The following ESCO1 variants were observed in gnomAD, a reference collection of about 807,000 sequenced individuals.
ESCO1 encodes N-acetyltransferase ESCO1.
A neutral mutation model predicts 83.5 loss-of-function variants in ESCO1; 33 were observed. The observed-to-expected ratio is 0.40, with a 90% CI of 0.30 to 0.53. ESCO1 has a LOEUF of 0.53. Among genes scored for constraint, ESCO1 ranks in the 20% least tolerant of loss-of-function variants. The probability of loss-of-function intolerance (pLI) is 0.63; values close to 1 mark genes in which losing one functional copy is unlikely to be tolerated. For synonymous variants in ESCO1, 332 were observed against 324.3 expected, an observed-to-expected ratio of 1.02 and a Z score of -0.25; for missense variants, 855 against 968.0, an observed-to-expected ratio of 0.88 and a Z score of 1.55.
intron 2 of ESCO1, among the ~76,000 whole-genome samples, chr18:21,583,872 G>A (rs1458497787): frequency 2.0e-5 from 3 of 152,098 alleles, no homozygotes; most frequent in Non-Finnish European, 4.4e-5. Context: ...CATAAATTAT[G>A]CTTTAATAAA....
intron 8 of ESCO1, among the ~76,000 whole-genome samples, chr18:21,544,207 G>T (rs1038147497): frequency 6.6e-6 from 1 of 152,098 alleles, no homozygotes; most frequent in Non-Finnish European, 1.5e-5. Flanking sequence ...CCAGGGGACA[G>T]AGGTTGCAGT....
At chr18:21,563,014 G>C (rs1425924573) in intron 7 of ESCO1, among the ~76,000 whole-genome samples, 1 of 151,286 alleles carries the variant, frequency 6.6e-6, no homozygotes, top group Non-Finnish European at 1.5e-5. Context: ...TGGGATTATA[G>C]GAACGAATCA....
chr18:21,562,641 TAA>T (rs879682676), intron 7 of ESCO1, among the ~76,000 whole-genome samples: 2 of 144,600 alleles, frequency 1.4e-5, no homozygotes, highest in African/African-American at 2.5e-5. Context: ...GACCCTATCT[TAA>T]AAAAAAAAAA....
chr18:21,550,092 G>T (rs915463606), intron 8 of ESCO1, among the ~76,000 whole-genome samples: 1 of 152,240 alleles, frequency 6.6e-6, no homozygotes, highest in African/African-American at 2.4e-5. Context: ...TAAATGAACT[G>T]ATTTTCAGAA....
intron 7 of ESCO1, among the ~76,000 whole-genome samples, chr18:21,562,433 G>T (rs1276851851): frequency 6.7e-6 from 1 of 150,360 alleles, no homozygotes; most frequent in Non-Finnish European, 1.5e-5. Context: ...CCAAGATTGT[G>T]CCACTGCACT....
chr18:21,541,844 C>T (rs538574244), intron 8 of ESCO1, among the ~76,000 whole-genome samples: 1 of 152,232 alleles, frequency 6.6e-6, no homozygotes, highest in South Asian at 2.1e-4. Flanking sequence ...ACCATTCTTC[C>T]TGAACTGAAT....
In ESCO1 at chr18:21,575,078, G is replaced by T; in HGVS notation, c.-235C>A. On this transcript the variant is annotated 5_prime_UTR_variant, in exon 4 of 12. Transcript: ENST00000269214. ...TGCTAAAAGACACTTGCTTTACTTTGGACAAGGTAATAAAAATTTGAGGAA... is the reference window on the plus strand; with the variant it reads ...TGCTAAAAGACACTTGCTTTACTTTTGACAAGGTAATAAAAATTTGAGGAA... 2.6e-6 allele frequency: 1 copy of T among 380,452 alleles called. No homozygotes were observed. The highest frequency in any genetic ancestry group is 4.6e-6 in the Non-Finnish European group (1 of 215,746). The allele number at this position is 380,452 out of a possible 1,614,324, so 23.6% of individuals were successfully genotyped here. A position where few individuals can be genotyped will look rare whatever the true frequency, so the allele number is the denominator to read the frequency against.
chr18:21,581,173 C>A (rs960829182), intron 2 of ESCO1, among the ~76,000 whole-genome samples: 20 of 151,942 alleles, frequency 1.3e-4, no homozygotes, highest in African/African-American at 4.8e-4. Flanking sequence ...ATTATCTGGG[C>A]GTGGTGGCGG....
chr18:21,544,075 C>T (rs1487807399), intron 8 of ESCO1, among the ~76,000 whole-genome samples: 1 of 151,590 alleles, frequency 6.6e-6, no homozygotes, highest in Non-Finnish European at 1.5e-5. Context: ...AGATCGAGAC[C>T]ATCCTGGCTA....
At chr18:21,596,414 T>G (rs2038768018) in intron 1 of ESCO1, among the ~76,000 whole-genome samples, 1 of 152,184 alleles carries the variant, frequency 6.6e-6, no homozygotes, top group Non-Finnish European at 1.5e-5. Context: ...ATCTTACGTA[T>G]GCTGCCATAA....
chr18:21,592,021 A>G (rs550885270), intron 1 of ESCO1, among the ~76,000 whole-genome samples: 2 of 152,092 alleles, frequency 1.3e-5, no homozygotes, highest in Admixed American at 6.6e-5. Flanking sequence ...CCAAGGCAGA[A>G]GAATTTTTCT....
At chr18:21,571,246 G>A (rs1340416490) in intron 4 of ESCO1, among the ~76,000 whole-genome samples, 1 of 151,820 alleles carries the variant, frequency 6.6e-6, no homozygotes, top group Non-Finnish European at 1.5e-5. Context: ...GGAGTACAGT[G>A]GCGTGATCTT....
intron 4 of ESCO1, among the ~76,000 whole-genome samples, chr18:21,570,400 A>G (rs1436202038): frequency 6.6e-6 from 1 of 152,198 alleles, no homozygotes; most frequent in African/African-American, 2.4e-5. Flanking sequence ...TGCCTGGCCC[A>G]AGGTGAAAGT....
intron 8 of ESCO1, among the ~76,000 whole-genome samples, chr18:21,547,553 A>T (rs373123445): frequency 7.2e-5 from 11 of 152,158 alleles, no homozygotes; most frequent in African/African-American, 2.2e-4. Context: ...GCAATAAAGT[A>T]TATGCTTGAA....
intron 8 of ESCO1, among the ~76,000 whole-genome samples, chr18:21,552,154 G>T (rs1034868160): frequency 3.3e-5 from 5 of 152,306 alleles, no homozygotes; most frequent in Admixed American, 1.3e-4. Context: ...AGAGGGAAAA[G>T]ACTTAGAATA....
chr18:21,573,812 G>A lies in ESCO1; in HGVS notation c.1032C>T (p.Thr344=). The change falls in exon 4 of 12, where the codon ACC becomes ACT. Residue 344 remains threonine (T), a synonymous_variant. Transcript: ENST00000269214. ...GATGAAGTATTTGTCTTTCAACACT[G>A]GTCTCTTCCAATTTTATTTCTGTGG... is the stretch of plus-strand genomic sequence containing the variant. ...EKPTEIKLEE[T]SVERQILHQK... is the part of the protein sequence containing the mutation. 6.2e-7 allele frequency: 1 copy of A among 1,613,962 alleles called. No homozygotes were observed. The highest frequency in any genetic ancestry group is 1.3e-5 in the African/African-American group (1 of 74,988).
chr18:21,529,590 T>C lies in ESCO1; in HGVS notation c.*753A>G, dbSNP rs2037741005. 2 of 152,192 alleles carry C rather than the reference T, an allele frequency of 1.3e-5. No homozygotes were observed. The highest frequency in any genetic ancestry group is 4.1e-4 in the South Asian group (2 of 4,828). The allele number at this position is 152,192 out of a possible 1,614,324, so 9.4% of individuals were successfully genotyped here. On this transcript the variant is annotated 3_prime_UTR_variant, in exon 12 of 12. Transcript: ENST00000269214. ...ACAGCCTAGGTGTGCCAAGTTGCCA[T>C]TTATTTTAAAAGTGAAACCAGAATG...
intron 6 of ESCO1, 80 bp from the exon 7 acceptor site, chr18:21,564,397 CTTTTTTTTT>C: frequency 1.3e-6 from 1 of 795,640 alleles, no homozygotes; most frequent in Non-Finnish European, 1.8e-6. Context: ...AACTTATTTT[CTTTTTTTTT>C]TTGAGACGAA....
chr18:21,544,708 T>C (rs1336186298), intron 8 of ESCO1, among the ~76,000 whole-genome samples: 1 of 152,086 alleles, frequency 6.6e-6, no homozygotes, highest in Non-Finnish European at 1.5e-5. Context: ...TTCAAAATAA[T>C]TGGGAAAGTT....
Sources: gnomAD v4.1 joint callset for allele counts (sites outside exome capture counted in the v4.1 genomes callset) on GRCh38, gnomAD v4.1.1 for gene constraint, MANE v1.5 for transcripts, NCBI Gene and HGNC (gene_info 2026-07-23, HGNC 2026-07-21) for gene names.